Variants in OR1J2 observed in about 807,000 individuals in gnomAD.
The protein encoded by OR1J2 is olfactory receptor 1J2.
For synonymous variants in OR1J2, 142 were observed against 99.7 expected (o/e 1.42, Z -2.52); for missense variants, 304 against 246.1 (o/e 1.24, Z -1.57).
the OR1J2 span, among the ~76,000 whole-genome samples, chr9:122,549,702 T>C: frequency 6.6e-6 from 1 of 152,170 alleles, no homozygotes; most frequent in African/African-American, 2.4e-5. Flanking sequence ...AGGTTCTCTA[T>C]TCTTTCCATT....
the OR1J2 span, among the ~76,000 whole-genome samples, chr9:122,494,747 T>A: frequency 2.6e-5 from 4 of 152,146 alleles, no homozygotes; most frequent in Non-Finnish European, 5.9e-5. Flanking sequence ...AATACTTGGT[T>A]TTATTTTCAT....
At chr9:122,555,627 A>T in the OR1J2 span, among the ~76,000 whole-genome samples, 1 of 152,212 alleles carries the variant, frequency 6.6e-6, no homozygotes, top group African/African-American at 2.4e-5. Flanking sequence ...TACCTCAAGG[A>T]ATTGGCTCAT....
the OR1J2 span, among the ~76,000 whole-genome samples, chr9:122,457,620 T>C: frequency 1.3e-4 from 19 of 150,586 alleles, no homozygotes; most frequent in African/African-American, 4.6e-4. Context: ...AGCCCAGATA[T>C]TGGACTTACT....
the OR1J2 span, among the ~76,000 whole-genome samples, chr9:122,456,171 A>G: frequency 6.6e-6 from 1 of 152,194 alleles, no homozygotes; most frequent in African/African-American, 2.4e-5. Context: ...TGTTTTGACT[A>G]GGGAGGAAGA....
At chr9:122,460,195 A>G in the OR1J2 span, among the ~76,000 whole-genome samples, 1 of 2,576 alleles carries the variant, frequency 3.9e-4, no homozygotes, top group South Asian at 0.011. Flanking sequence ...ATATATATAC[A>G]CACACACACA....
the OR1J2 span, among the ~76,000 whole-genome samples, chr9:122,475,464 TAAG>T: frequency 6.6e-6 from 1 of 152,200 alleles, no homozygotes; most frequent in Non-Finnish European, 1.5e-5. Context: ...AAGCTTGAGA[TAAG>T]GAGAAAAACA....
the OR1J2 span, among the ~76,000 whole-genome samples, chr9:122,535,855 G>T: frequency 6.6e-6 from 1 of 152,172 alleles, no homozygotes; most frequent in Non-Finnish European, 1.5e-5. Context: ...GTCAGCAAAG[G>T]GAGATAGGGG....
At chr9:122,490,456 C>A in the OR1J2 span, among the ~76,000 whole-genome samples, 1 of 152,112 alleles carries the variant, frequency 6.6e-6, no homozygotes, top group Admixed American at 6.6e-5. Flanking sequence ...AGCTTGTTTA[C>A]CCTTAAAGGT....
the OR1J2 span, among the ~76,000 whole-genome samples, chr9:122,541,944 A>G: frequency 9.2e-5 from 14 of 152,216 alleles, no homozygotes; most frequent in Non-Finnish European, 1.5e-5. Flanking sequence ...AGATCAATAT[A>G]CATAACACTT....
the OR1J2 span, among the ~76,000 whole-genome samples, chr9:122,504,141 A>G: frequency 0.015 from 2,255 of 152,284 alleles, 43 homozygotes; most frequent in African/African-American, 0.051. Context: ...TGCTGTGTCT[A>G]TCTGACCTTA....
downstream of OR1J2, among the ~76,000 whole-genome samples, chr9:122,514,699 C>A (rs774252643): frequency 1.8e-4 from 27 of 151,990 alleles, no homozygotes; most frequent in Non-Finnish European, 3.1e-4. Flanking sequence ...AGCAGCAAAC[C>A]AAAAAAGAAT....
chr9:122,519,143 G>C, the OR1J2 span: 2 of 1,589,344 alleles, frequency 1.3e-6, no homozygotes, highest in Admixed American at 1.7e-5. Flanking sequence ...CTGTCAGCAT[G>C]AAGAGGGAGA....
At chr9:122,492,649 T>G in the OR1J2 span, among the ~76,000 whole-genome samples, 1 of 152,146 alleles carries the variant, frequency 6.6e-6, no homozygotes, top group African/African-American at 2.4e-5. Flanking sequence ...CTCTGCAGCC[T>G]CACCGACATT....
the OR1J2 span, among the ~76,000 whole-genome samples, chr9:122,503,494 G>A: frequency 2.0e-5 from 3 of 152,192 alleles, no homozygotes; most frequent in East Asian, 5.8e-4. Context: ...GAACTTTACT[G>A]ATGGATCCAT....
At chr9:122,566,969 TAAATA>T in the OR1J2 span, 1 of 151,804 alleles carries the variant, frequency 6.6e-6, no homozygotes, top group Non-Finnish European at 1.5e-5. Flanking sequence ...AAATTAAAAG[TAAATA>T]AAACTACAGC....
chr9:122,495,899 C>G, the OR1J2 span, among the ~76,000 whole-genome samples: 1 of 152,032 alleles, frequency 6.6e-6, no homozygotes, highest in Non-Finnish European at 1.5e-5. Flanking sequence ...TGGTGCTCTC[C>G]CCCTTCCCCT....
rs1828626197 is a variant in OR1J2, at chr9:122,511,117, T to A, written c.316T>A (p.Phe106Ile). 1.1e-6 allele frequency: 1 copy of A among 946,962 alleles called. No individual in the cohort carries two copies. The allele number at this position is 946,962 out of a possible 1,614,324, so 58.7% of individuals were successfully genotyped here. A position where few individuals can be genotyped will look rare whatever the true frequency, so the allele number is the denominator to read the frequency against. The change falls in exon 1 of 1, where the codon TTT becomes ATT. Residue 106 changes from phenylalanine (F) to isoleucine (I), a missense_variant. Phe to Ile is a conservative substitution (Grantham distance 21). Transcript: ENST00000335302. ...ECISQMYFFI[F>I]FTDLDSFLIT... The stretch of plus-strand genomic sequence containing the variant: ...CATTTCTCAGATGTATTTTTTTATA[T>A]TTTTTACTGACCTGGACAGCTTCCT...
the OR1J2 span, among the ~76,000 whole-genome samples, chr9:122,566,955 G>C: frequency 6.6e-6 from 1 of 151,934 alleles, no homozygotes; most frequent in African/African-American, 2.4e-5. Flanking sequence ...TAAAATATAA[G>C]AGGAAATTAA....
chr9:122,522,033 G>T, the OR1J2 span, among the ~76,000 whole-genome samples: 3 of 152,168 alleles, frequency 2.0e-5, no homozygotes, highest in South Asian at 2.1e-4. Context: ...GCACACTGGG[G>T]TGCACCGTAT....
Sources: gnomAD v4.1 joint callset for allele counts (sites outside exome capture counted in the v4.1 genomes callset) on GRCh38, gnomAD v4.1.1 for gene constraint, MANE v1.5 for transcripts, NCBI Gene and HGNC (gene_info 2026-07-23, HGNC 2026-07-21) for gene names.